The following DNAAF8 variants were observed in gnomAD, a reference collection of about 807,000 sequenced individuals.
The protein encoded by DNAAF8 is dynein axonemal-associated protein 1.
In DNAAF8, 61 loss-of-function variants were observed where a neutral mutation model predicts 54.6. The ratio of observed to expected loss-of-function variants is 1.12; its 90% CI spans 0.91 to 1.38. The LOEUF (loss-of-function observed/expected upper bound fraction) is 1.38, where lower values mean the gene tolerates loss of function less well. Among genes scored for constraint, DNAAF8 ranks in the 40% most tolerant of loss-of-function variants. DNAAF8 has a pLI of 0.00. For missense variants in DNAAF8, 837 were observed against 665.0 expected (o/e 1.26, Z -2.85); for synonymous variants, 320 against 270.1 (o/e 1.18, Z -1.81).
chr16:4,736,704 G>A, intron 2 of DNAAF8, 61 bp downstream of exon 2: 1 of 1,404,718 alleles, frequency 7.1e-7, no homozygotes, highest in Non-Finnish European at 9.5e-7. Flanking sequence ...CATGACGCTG[G>A]CCAGGACAGC....
At chr16:4,746,643 A>T in intron 7 of DNAAF8, 131 bp downstream of exon 7, 3 of 1,270,092 alleles carry the variant, frequency 2.4e-6, no homozygotes, top group Middle Eastern at 2.1e-4. Flanking sequence ...TTCTCAATTG[A>T]AAAGTGCTGG....
At chr16:4,746,828 C>A in intron 7 of DNAAF8, 99 bp from the exon 8 acceptor site, 1 of 1,153,476 alleles carries the variant, frequency 8.7e-7, no homozygotes, top group Non-Finnish European at 1.2e-6. Flanking sequence ...TGACCTCTTG[C>A]ATTGGGTCAC....
chr16:4,746,315 C>G, intron 6 of DNAAF8, 60 bp from the exon 7 acceptor site: 1 of 1,528,974 alleles, frequency 6.5e-7, no homozygotes. Flanking sequence ...ACAAACCCAG[C>G]GCAGGTCACA....
rs1555482695 is a variant in DNAAF8 at position 4,739,265 on chromosome 16, G to GGTTTTTTTTTTTTTTTTT, written c.277-888_277-887insGTTTTTTTTTTTTTTTTT. ...AAACTCTTCTGGATGATTTTTTCTT[G>GGTTTTTTTTTTTTTTTTT]TTTTTTTTTTTTTTTTTTTTTGTAA... On this transcript the variant is annotated intron_variant, in intron 3 of 9. Coordinates refer to ENST00000299320, the MANE Select transcript of DNAAF8 (RefSeq NM_139170.3). 5.6e-4 allele frequency among the ~76,000 whole-genome samples: 39 copies of GGTTTTTTTTTTTTTTTTT among 69,028 alleles called. 2 individuals carry two copies. The highest frequency in any genetic ancestry group is 8.3e-4 in the Non-Finnish European group (32 of 38,440). The allele number at this position is 69,028 out of a possible 152,430, so 45.3% of individuals were successfully genotyped here.
At chr16:4,745,144 G>A in intron 6 of DNAAF8, 133 bp downstream of exon 6, 1 of 1,203,428 alleles carries the variant, frequency 8.3e-7, no homozygotes, top group Non-Finnish European at 1.1e-6. Context: ...ATCTGATCAG[G>A]CAGTCGCTCC....
At chr16:4,735,421 C>T (rs1306495245) in intron 1 of DNAAF8, 1 of 152,240 alleles carries the variant, frequency 6.6e-6, no homozygotes, top group East Asian at 1.9e-4. Flanking sequence ...CCCCAATTCA[C>T]ATCTCCTGCC....
Position 4,746,500 on chromosome 16 carries a change from T to C in DNAAF8, c.1169T>C (p.Leu390Pro). The C allele has an allele frequency of 6.2e-7, 1 of 1,613,640 alleles. No individual in the cohort carries two copies. Among genetic ancestry groups the C allele is most frequent in the Non-Finnish European group, 8.5e-7 (1 of 1,179,956 alleles). Reference protein sequence around the residue: ...DLRQMELPDHLSPESSSHSSS... With the variant: ...DLRQMELPDHPSPESSSHSSS... The stretch of plus-strand genomic sequence containing the variant: ...CGGCAGATGGAGCTACCAGACCACC[T>C]GTCCCCAGAAAGGTCCGGAGGGCAG... The change falls in exon 7 of 10, where the codon CTG becomes CCG. Residue 390 changes from leucine (L) to proline (P), a missense_variant. Transcript: ENST00000299320.
At position 4,737,821 on chromosome 16, in the gene DNAAF8, C is replaced by G; in HGVS notation, c.151C>G (p.Leu51Val). 1 of 1,614,162 alleles carries G rather than the reference C, an allele frequency of 6.2e-7. No individual in the cohort carries two copies. Among genetic ancestry groups the G allele is most frequent in the Non-Finnish European group, 8.5e-7 (1 of 1,179,990 alleles). The change falls in exon 3 of 10, where the codon CTG becomes GTG. Residue 51 changes from leucine to valine, a missense_variant. Leu to Val is a conservative substitution (Grantham distance 32). Transcript: ENST00000299320. ...SPLSDYGEEE[L>V]FIFQRNQTSL... Reference sequence around the variant, plus strand: ...ACAGTCGGACTATGGGGAAGAGGAGCTGTTCATCTTCCAGCGAAACCAAAC... The same window carrying G: ...ACAGTCGGACTATGGGGAAGAGGAGGTGTTCATCTTCCAGCGAAACCAAAC...
rs1387721456 is a variant in DNAAF8 at position 4,744,851 on chromosome 16, C to T, written c.902-19C>T. 3 of 1,607,148 alleles carry T rather than the reference C, an allele frequency of 1.9e-6. No individual in the cohort carries two copies. Among genetic ancestry groups the T allele is most frequent in the Non-Finnish European group, 2.6e-6 (3 of 1,175,808 alleles). ...GGGCCAAGTCCCCACTAATCAGCCTCTCCTTTGGCCATCCTCAGACCGCAT... is the reference window on the plus strand; with the variant it reads ...GGGCCAAGTCCCCACTAATCAGCCTTTCCTTTGGCCATCCTCAGACCGCAT... On this transcript the variant is annotated intron_variant, in intron 5 of 9. Transcript: ENST00000299320.
chr16:4,736,672 T>C (rs749768934), intron 2 of DNAAF8, 29 bp downstream of exon 2: 1 of 1,525,722 alleles, frequency 6.6e-7, no homozygotes, highest in South Asian at 1.2e-5. Flanking sequence ...CCTGGATGCC[T>C]TGTCCTTCCT....
chr16:4,745,142 A>G (rs1448789742), intron 6 of DNAAF8, 131 bp downstream of exon 6: 2 of 1,212,324 alleles, frequency 1.6e-6, no homozygotes, highest in African/African-American at 3.0e-5. Flanking sequence ...GCATCTGATC[A>G]GGCAGTCGCT....
Position 4,737,835 on chromosome 16 carries a change from G to A in DNAAF8, c.165G>A (p.Gln55=), listed in dbSNP as rs770837155. The part of the protein sequence containing the change: ...DYGEEELFIF[Q]RNQTSLIPDL... ...GGGAAGAGGAGCTGTTCATCTTCCAGCGAAACCAAACCTCCCTGATTCCAG... is the reference window on the plus strand; with the variant it reads ...GGGAAGAGGAGCTGTTCATCTTCCAACGAAACCAAACCTCCCTGATTCCAG... The change falls in exon 3 of 10, where the codon CAG becomes CAA. Residue 55 remains glutamine, a synonymous_variant. Coordinates refer to ENST00000299320, the MANE Select transcript of DNAAF8 (RefSeq NM_139170.3). 8.1e-6 allele frequency: 13 copies of A among 1,614,178 alleles called. No homozygotes were observed. The highest frequency in any genetic ancestry group is 1.6e-4 in the Middle Eastern group (1 of 6,062).
In DNAAF8 at chr16:4,747,506, T is replaced by C; in HGVS notation, c.1444T>C (p.Cys482Arg). The stretch of plus-strand genomic sequence containing the variant: ...TGGGAGGAAGCAACACATGAAGCTC[T>C]GTGCCAAGGGGCAGAGCGCCCAGGC... ...RTGRKQHMKL[C>R]AKGQSAQARL... Residue 482 changes from cysteine (C) to arginine (R), a missense_variant, in exon 9 of 10, where the codon TGT (cysteine) becomes CGT (arginine). Cys to Arg is a radical substitution (Grantham distance 180, BLOSUM62 -3). Coordinates refer to ENST00000299320, the MANE Select transcript of DNAAF8 (RefSeq NM_139170.3). 2 of 1,613,292 alleles carry C rather than the reference T, an allele frequency of 1.2e-6. No homozygotes were observed. Among genetic ancestry groups the C allele is most frequent in the Non-Finnish European group, 8.5e-7 (1 of 1,179,960 alleles).
At chr16:4,740,693 G>T in intron 4 of DNAAF8, 34 bp downstream of exon 4, 1 of 1,537,102 alleles carries the variant, frequency 6.5e-7, no homozygotes, top group South Asian at 1.2e-5. Context: ...TGTTTCTCAG[G>T]CCTGTTACCT....
At position 4,747,516 on chromosome 16, in the gene DNAAF8, G is replaced by C. The variant is rs762845674; in HGVS notation, c.1454G>C (p.Gly485Ala). The change falls in exon 9 of 10, where the codon GGG (glycine) becomes GCG (alanine). Residue 485 changes from glycine (G) to alanine (A), a missense_variant. Coordinates refer to ENST00000299320, the MANE Select transcript of DNAAF8 (RefSeq NM_139170.3). ...RKQHMKLCAK[G>A]QSAQARLPRG... Reference sequence around the variant, plus strand: ...CAACACATGAAGCTCTGTGCCAAGGGGCAGAGCGCCCAGGCTCGACTCCCA... The same window carrying C: ...CAACACATGAAGCTCTGTGCCAAGGCGCAGAGCGCCCAGGCTCGACTCCCA... The C allele has an allele frequency of 6.2e-7, 1 of 1,613,260 alleles. No homozygotes were observed. Among genetic ancestry groups the C allele is most frequent in the Non-Finnish European group, 8.5e-7 (1 of 1,179,956 alleles).
chr16:4,740,352 A>G lies in DNAAF8; in HGVS notation c.476A>G (p.Lys159Arg). The G allele has an allele frequency of 1.2e-6, 2 of 1,613,858 alleles. No homozygotes were observed. The highest frequency in any genetic ancestry group is 1.7e-6 in the Non-Finnish European group (2 of 1,179,944). The change falls in exon 4 of 10, where the codon AAA becomes AGA. Residue 159 changes from lysine to arginine, a missense_variant. Physicochemically the swap from Lys to Arg is conservative, Grantham distance 26 (BLOSUM62 2). Coordinates refer to ENST00000299320, the MANE Select transcript of DNAAF8 (RefSeq NM_139170.3). The stretch of plus-strand genomic sequence containing the variant: ...CTTGGAAGCCTGTCTTTCAACACCA[A>G]AGGATCCCAGGGTCCTCCCTGGGAC... ...GDLGSLSFNT[K>R]GSQGPPWDPQ...
rs963690927 is a variant in DNAAF8, at chr16:4,743,425, T to C, written c.901+265T>C. 8 of 290,856 alleles carry C rather than the reference T, an allele frequency of 2.8e-5. No individual in the cohort carries two copies. In the Admixed American group the frequency reaches 3.3e-4, roughly 12 times the overall value. 18.0% of individuals were successfully genotyped at this position (290,856 alleles called of 1,614,324 possible). A position where few individuals can be genotyped will look rare whatever the true frequency, so the allele number is the denominator to read the frequency against. Reference sequence around the variant, plus strand: ...CCTCCGCACCCCACCCCATGACCCATACCTCCTCTTCCCCACCTCCCTGGG... The same window carrying C: ...CCTCCGCACCCCACCCCATGACCCACACCTCCTCTTCCCCACCTCCCTGGG... On this transcript the variant is annotated intron_variant, in intron 5 of 9. Coordinates refer to ENST00000299320, the MANE Select transcript of DNAAF8 (RefSeq NM_139170.3).
Position 4,746,471 on chromosome 16 carries a change from C to A in DNAAF8, c.1140C>A (p.Asp380Glu). 1 of 1,613,776 alleles carries A rather than the reference C, an allele frequency of 6.2e-7. No individual in the cohort carries two copies. Among genetic ancestry groups the A allele is most frequent in the Non-Finnish European group, 8.5e-7 (1 of 1,180,002 alleles). Residue 380 changes from aspartate (D) to glutamate (E), a missense_variant, in exon 7 of 10, where the codon GAC becomes GAA. Asp to Glu is a conservative substitution (Grantham distance 45). Coordinates refer to ENST00000299320, the MANE Select transcript of DNAAF8 (RefSeq NM_139170.3). ...LNAESPTIFIDLRQMELPDHL... is the reference protein window; with the variant it reads ...LNAESPTIFIELRQMELPDHL... ...CAGAGTCCCCCACCATCTTTATTGA[C>A]CTGCGGCAGATGGAGCTACCAGACC...
At position 4,740,130 on chromosome 16, in the gene DNAAF8, G is replaced by A. The variant is rs768546358; in HGVS notation, c.277-23G>A. 8.3e-6 allele frequency: 13 copies of A among 1,571,964 alleles called. No homozygotes were observed. The South Asian group carries it at 1.2e-4, about 14-fold the overall frequency. ...AAGCATGTTTTTGAGGATGCTAACT[G>A]AACATACCTGTTTTCTTGACAGCCA... On this transcript the variant is annotated intron_variant, in intron 3 of 9. Transcript: ENST00000299320.
Sources: gnomAD v4.1 joint callset for allele counts (sites outside exome capture counted in the v4.1 genomes callset) on GRCh38, gnomAD v4.1.1 for gene constraint, MANE v1.5 for transcripts, NCBI Gene and HGNC (gene_info 2026-07-23, HGNC 2026-07-21) for gene names.